Variants in CD44 observed in about 807,000 individuals in gnomAD.
CD44 encodes the protein CD44 antigen.
CD44 carries 49 observed loss-of-function variants against 88.8 expected under a neutral mutation model. The ratio of observed to expected loss-of-function variants is 0.55; its 90% confidence interval spans 0.44 to 0.70. The LOEUF is 0.70. Among genes scored for constraint, CD44 ranks in the 30% least tolerant of loss-of-function variants. CD44 has a pLI of 0.00. For synonymous variants in CD44, 325 were observed against 312.3 expected, an observed-to-expected ratio of 1.04 and a Z score of -0.43; for missense variants, 883 against 913.8, an observed-to-expected ratio of 0.97 and a Z score of 0.43.
chr11:35,204,427 C>T, intron 9 of CD44, 85 bp from the exon 10 acceptor site: 1 of 1,343,034 alleles, frequency 7.4e-7, no homozygotes. Context: ...CCATGTGTAT[C>T]TGCCCTTAAA....
intron 17 of CD44, among the ~76,000 whole-genome samples, chr11:35,225,752 G>T (rs1195147441): frequency 1.3e-5 from 2 of 152,176 alleles, no homozygotes; most frequent in Non-Finnish European, 2.9e-5. Flanking sequence ...AGGAGGCAGA[G>T]GTTGCAGTGA....
intron 17 of CD44, chr11:35,223,224 G>A (rs1450743747): frequency 4.3e-5 from 42 of 985,154 alleles, no homozygotes; most frequent in Non-Finnish European, 4.6e-5. Flanking sequence ...TTTAAATAAT[G>A]TGACTTGGGG....
chr11:35,144,361 C>G (rs1295383689), intron 1 of CD44, among the ~76,000 whole-genome samples: 1 of 152,198 alleles, frequency 6.6e-6, no homozygotes, highest in Non-Finnish European at 1.5e-5. Context: ...GTGTAGTTTT[C>G]AAAGGGGATC....
intron 16 of CD44, 107 bp downstream of exon 16, chr11:35,219,494 A>G (rs1199966215): frequency 1.3e-6 from 1 of 758,908 alleles, no homozygotes; most frequent in East Asian, 2.7e-5. Flanking sequence ...CACAATGCCC[A>G]ACATATGAAT....
At chr11:35,190,162 G>A (rs901676998) in intron 5 of CD44, 97 bp downstream of exon 5, 25 of 1,064,256 alleles carry the variant, frequency 2.3e-5, no homozygotes, top group Middle Eastern at 2.1e-4. Context: ...TGATTTTCTC[G>A]TCTCTAGACA....
chr11:35,194,901 G>A (rs1394468055), intron 5 of CD44, among the ~76,000 whole-genome samples: 5 of 152,200 alleles, frequency 3.3e-5, no homozygotes, highest in East Asian at 3.8e-4. Context: ...GAAGTCTGCC[G>A]GAAAGTGCAG....
chr11:35,151,213 G>T (rs1486643711), intron 1 of CD44, among the ~76,000 whole-genome samples: 1 of 151,988 alleles, frequency 6.6e-6, no homozygotes, highest in Non-Finnish European at 1.5e-5. Flanking sequence ...CCAGGGGAGG[G>T]GTCTGTCTGC....
chr11:35,150,570 C>A (rs1860113675), intron 1 of CD44, among the ~76,000 whole-genome samples: 1 of 152,172 alleles, frequency 6.6e-6, no homozygotes, highest in Non-Finnish European at 1.5e-5. Flanking sequence ...CACTGAATGT[C>A]CTTCGTCAGA....
At chr11:35,180,750 C>T (rs974190061) in intron 3 of CD44, among the ~76,000 whole-genome samples, 6 of 152,140 alleles carry the variant, frequency 3.9e-5, no homozygotes, top group Non-Finnish European at 7.3e-5. Context: ...AAAAAAATCT[C>T]ATAATGTTTT....
chr11:35,139,637 G>C (rs774388623), intron 1 of CD44: 4 of 724,744 alleles, frequency 5.5e-6, no homozygotes, highest in South Asian at 5.5e-5. Context: ...GGGCGAGGTC[G>C]CTAGAGCTGC....
intron 1 of CD44, among the ~76,000 whole-genome samples, chr11:35,145,369 T>G (rs933347470): frequency 1.3e-5 from 2 of 152,124 alleles, no homozygotes; most frequent in African/African-American, 2.4e-5. Context: ...TACATTTATG[T>G]GTAAGTGAGA....
intron 5 of CD44, among the ~76,000 whole-genome samples, chr11:35,193,665 A>G (rs1008877387): frequency 1.3e-5 from 2 of 152,244 alleles, no homozygotes; most frequent in African/African-American, 4.8e-5. Flanking sequence ...TTTCAATAAG[A>G]AAACATGCTG....
intron 1 of CD44, among the ~76,000 whole-genome samples, chr11:35,161,489 T>C (rs1257862380): frequency 1.3e-5 from 2 of 152,252 alleles, no homozygotes; most frequent in South Asian, 2.1e-4. Flanking sequence ...ATGGCATAGA[T>C]GTCAGGGGGT....
At chr11:35,160,701 C>G (rs1360780995) in intron 1 of CD44, among the ~76,000 whole-genome samples, 1 of 152,172 alleles carries the variant, frequency 6.6e-6, no homozygotes, top group African/African-American at 2.4e-5. Flanking sequence ...CAGTAAGAAG[C>G]CTGATATTAA....
At chr11:35,211,671 T>C (rs1330978619) in intron 14 of CD44, among the ~76,000 whole-genome samples, 1 of 90,724 alleles carries the variant, frequency 1.1e-5, no homozygotes, top group Non-Finnish European at 1.9e-5. Context: ...TGTCTGTGTT[T>C]GCATGTGTGT....
chr11:35,181,991 A>AT (rs1248417444), intron 3 of CD44, among the ~76,000 whole-genome samples: 12 of 108,732 alleles, frequency 1.1e-4, no homozygotes, highest in Admixed American at 1.3e-4. Context: ...TTATATATAA[A>AT]TTTATATTTA....
intron 5 of CD44, among the ~76,000 whole-genome samples, chr11:35,192,790 CTTTTTTTTT>C (rs35505196): frequency 8.2e-5 from 9 of 109,576 alleles, no homozygotes; most frequent in Non-Finnish European, 1.4e-4. Context: ...GGAATTCTTT[CTTTTTTTTT>C]TTTTTTTTTT....
chr11:35,195,222 A>C (rs749102360), intron 5 of CD44, among the ~76,000 whole-genome samples: 1 of 152,246 alleles, frequency 6.6e-6, no homozygotes, highest in Non-Finnish European at 1.5e-5. Context: ...GATGGAGTTA[A>C]TGGCCATATT....
At position 35,229,984 on chromosome 11, in the gene CD44, T is replaced by C. The variant is rs1342527797; in HGVS notation, c.*651T>C. ...TTACTTTGTCAGAGGCACAAAAGGG[T>C]TTAAACTGATTCATAATAAATATCT... On this transcript the variant is annotated 3_prime_UTR_variant, in exon 18 of 18. Coordinates refer to ENST00000428726, the MANE Select transcript of CD44 (RefSeq NM_000610.4). 6 of 152,412 alleles carry C rather than the reference T, an allele frequency of 3.9e-5. No individual in the cohort carries two copies. The highest frequency in any genetic ancestry group is 7.3e-5 in the Non-Finnish European group (5 of 68,196). The allele number at this position is 152,412 out of a possible 1,614,324, so 9.4% of individuals were successfully genotyped here.
Sources: allele counts gnomAD v4.1 joint callset (sites outside exome capture counted in the v4.1 genomes callset), GRCh38; gene constraint gnomAD v4.1.1; transcripts MANE v1.5; gene names NCBI Gene and HGNC (gene_info 2026-07-23, HGNC 2026-07-21).